Variants in VWA5B1 observed in about 807,000 individuals in gnomAD.
VWA5B1 encodes the protein von Willebrand factor A domain containing 5B1.
Under a neutral mutation model 118.2 loss-of-function variants are expected in VWA5B1, and 115 were observed. The ratio of observed to expected loss-of-function variants is 0.97; its 90% CI spans 0.84 to 1.14. The LOEUF is 1.14. Among genes scored for constraint, VWA5B1 ranks in the 50% most tolerant of loss-of-function variants. The probability of loss-of-function intolerance (pLI) is 0.00; values close to 1 mark genes in which losing one functional copy is unlikely to be tolerated. For synonymous variants in VWA5B1, 682 were observed against 658.4 expected (o/e 1.04, Z -0.55); for missense variants, 1,596 against 1,603.8 (o/e 1.00, Z 0.08).
intron 1 of VWA5B1, among the ~76,000 whole-genome samples, chr1:20,304,963 A>T (rs1406544324): frequency 6.6e-6 from 1 of 152,072 alleles, no homozygotes; most frequent in Non-Finnish European, 1.5e-5. Context: ...GTGGTATTTC[A>T]TCCATTCAGC....
chr1:20,350,902 C>A lies in VWA5B1; in HGVS notation c.2999C>A (p.Ala1000Asp). Residue 1000 changes from alanine (A) to aspartate (D), a missense_variant, in exon 20 of 22, where the codon GCC (alanine) becomes GAC (aspartate). Transcript: ENST00000289815. ...ACAAATACTCTTTCTTCCATGAAGG[C>A]CTCAGAGAATCTCTTTGGATCCTGG... ...LATNTLSSMK[A>D]SENLFGSWLN... The A allele has an allele frequency of 6.4e-7, 1 of 1,551,984 alleles. No homozygotes were observed. Among genetic ancestry groups the A allele is most frequent in the Non-Finnish European group, 8.7e-7 (1 of 1,147,040 alleles).
At position 20,342,522 on chromosome 1, in the gene VWA5B1, C is replaced by A; in HGVS notation, c.2224C>A (p.Gln742Lys). The A allele has an allele frequency of 6.5e-7, 1 of 1,550,194 alleles. No individual in the cohort carries two copies. The highest frequency in any genetic ancestry group is 8.7e-7 in the Non-Finnish European group (1 of 1,146,456). ...GCCCTCTCTGCTGCCCCAAGGCTGC[C>A]AGCCCTTCCTGCCCTGGGGCCAGGA... ...RRPSLLPQGC[Q>K]PFLPWGQETQ... is the part of the protein sequence containing the mutation. Residue 742 changes from glutamine to lysine, a missense_variant, in exon 15 of 22, where the codon CAG (glutamine) becomes AAG (lysine). Coordinates refer to ENST00000289815, the MANE Select transcript of VWA5B1 (RefSeq NM_001039500.3).
At chr1:20,345,395 G>A (rs537377690) in intron 16 of VWA5B1, 61 bp from the exon 17 acceptor site, 31 of 1,549,214 alleles carry the variant, frequency 2.0e-5, no homozygotes, top group Admixed American at 5.9e-5. Flanking sequence ...AGCTTCCAAA[G>A]CTTGTGTGTC....
intron 21 of VWA5B1, among the ~76,000 whole-genome samples, chr1:20,353,032 C>T (rs1043986076): frequency 6.6e-5 from 10 of 152,080 alleles, no homozygotes; most frequent in African/African-American, 2.4e-4. Flanking sequence ...AGGGGGTGGA[C>T]ATCTAGACCA....
intron 8 of VWA5B1, among the ~76,000 whole-genome samples, chr1:20,324,105 T>C (rs1164151354): frequency 6.6e-6 from 1 of 152,204 alleles, no homozygotes; most frequent in Admixed American, 6.5e-5. Flanking sequence ...AAGGAATGTG[T>C]AGAATTTGGT....
intron 2 of VWA5B1, among the ~76,000 whole-genome samples, chr1:20,312,245 C>T (rs1408114227): frequency 6.6e-6 from 1 of 152,184 alleles, no homozygotes; most frequent in African/African-American, 2.4e-5. Flanking sequence ...CATTCGTGAG[C>T]TTCGAAAGTT....
At chr1:20,330,099 G>A (rs2089501933) in intron 9 of VWA5B1, 81 bp from the exon 10 acceptor site, 1 of 1,474,066 alleles carries the variant, frequency 6.8e-7, no homozygotes, top group East Asian at 2.5e-5. Flanking sequence ...AGAAGATCTA[G>A]GGAAACAAAG....
chr1:20,316,075 C>A (rs1026573067), intron 4 of VWA5B1, among the ~76,000 whole-genome samples: 4 of 152,194 alleles, frequency 2.6e-5, no homozygotes, highest in African/African-American at 7.2e-5. Context: ...TGCCTCAAAC[C>A]CCTGTGAATC....
chr1:20,310,940 G>A (rs917006866), intron 2 of VWA5B1, among the ~76,000 whole-genome samples, 200 bp downstream of exon 2: 1 of 152,214 alleles, frequency 6.6e-6, no homozygotes, highest in South Asian at 2.1e-4. Context: ...TTGAGCTGAG[G>A]AGGTTTGGAT....
chr1:20,313,020 TG>T, intron 3 of VWA5B1, 32 bp downstream of exon 3: 1 of 1,544,202 alleles, frequency 6.5e-7, no homozygotes, highest in Non-Finnish European at 8.8e-7. Context: ...CCGCGGGACC[TG>T]GGTTTGGCCA....
rs1570255608 is a variant in VWA5B1, at chr1:20,358,234, G to A, written c.*3971G>A. Among the ~76,000 whole-genome samples the A allele has an allele frequency of 2.0e-5, 3 of 152,176 alleles. No homozygotes were observed. The South Asian group carries it at 6.2e-4, about 32-fold the overall frequency. ...AATAGACTAGCTGCTTCCAAGACTC[G>A]ATTCTGGTGGGCTTTCACCTGCTCT... On this transcript the variant is annotated 3_prime_UTR_variant, in exon 22 of 22. Transcript: ENST00000289815.
Position 20,343,115 on chromosome 1 carries a change from C to T in VWA5B1, c.2348C>T (p.Thr783Met). The part of the protein sequence containing the change: ...SHHPSAFETE[T>M]SSDWDPPAES... ...CATCCCTCTGCCTTCGAGACAGAGA[C>T]GTCCTCGGACTGGGACCCCCCAGCC... Residue 783 changes from threonine to methionine, a missense_variant, in exon 16 of 22, where the codon ACG becomes ATG. Physicochemically the swap from Thr to Met is moderately conservative, Grantham distance 81. Coordinates refer to ENST00000289815, the MANE Select transcript of VWA5B1 (RefSeq NM_001039500.3). 1.3e-6 allele frequency: 2 copies of T among 1,537,658 alleles called. No individual in the cohort carries two copies. Among genetic ancestry groups the T allele is most frequent in the Non-Finnish European group, 1.8e-6 (2 of 1,137,862 alleles).
At chr1:20,326,954 C>T (rs555146914) in intron 8 of VWA5B1, among the ~76,000 whole-genome samples, 50 of 152,276 alleles carry the variant, frequency 3.3e-4, no homozygotes, top group African/African-American at 1.2e-3. Context: ...TAACTTAGAA[C>T]ATTTAGCACA....
chr1:20,299,683 C>T (rs566792694), intron 1 of VWA5B1, among the ~76,000 whole-genome samples: 8 of 152,214 alleles, frequency 5.3e-5, no homozygotes, highest in African/African-American at 9.6e-5. Flanking sequence ...GGATTACAGG[C>T]GTGAGCCACC....
chr1:20,293,248 C>T (rs1160507591), intron 1 of VWA5B1, among the ~76,000 whole-genome samples: 2 of 151,642 alleles, frequency 1.3e-5, no homozygotes, highest in African/African-American at 4.9e-5. Context: ...CTGTCTCACT[C>T]ATTGCGGCTT....
chr1:20,294,221 G>A (rs2088363408), intron 1 of VWA5B1: 1 of 152,176 alleles, frequency 6.6e-6, no homozygotes, highest in African/African-American at 2.4e-5. Context: ...CTGGGTCAGA[G>A]ACACATCTTT....
At chr1:20,337,250 C>G (rs558068690) in intron 13 of VWA5B1, among the ~76,000 whole-genome samples, 2 of 152,172 alleles carry the variant, frequency 1.3e-5, no homozygotes, top group Non-Finnish European at 2.9e-5. Context: ...GCCTCAGCCT[C>G]CCGAATAGCT....
Position 20,336,300 on chromosome 1 carries a change from C to T in VWA5B1, c.1759-3C>T. The T allele has an allele frequency of 7.0e-7, 1 of 1,421,874 alleles. No homozygotes were observed. The highest frequency in any genetic ancestry group is 1.4e-5 in the African/African-American group (1 of 69,374). The allele number at this position is 1,421,874 out of a possible 1,614,324, so 88.1% of individuals were successfully genotyped here. ...TAGCCCTCTTTTCTGTTTCTCCCTA[C>T]AGGACAAGAGGCGCCGGTACAGCAT... is the stretch of plus-strand genomic sequence containing the variant. On this transcript the variant is annotated splice_region_variant and splice_polypyrimidine_tract_variant and intron_variant, in intron 12 of 21. Coordinates refer to ENST00000289815, the MANE Select transcript of VWA5B1 (RefSeq NM_001039500.3).
intron 19 of VWA5B1, among the ~76,000 whole-genome samples, chr1:20,350,507 G>A (rs894898700): frequency 1.3e-5 from 2 of 152,164 alleles, no homozygotes; most frequent in Non-Finnish European, 2.9e-5. Context: ...TTGCCACTCC[G>A]CTCTGCCTAG....
Sources: gnomAD v4.1 joint callset for allele counts (sites outside exome capture counted in the v4.1 genomes callset) on GRCh38, gnomAD v4.1.1 for gene constraint, MANE v1.5 for transcripts, NCBI Gene and HGNC (gene_info 2026-07-23, HGNC 2026-07-21) for gene names.